Variants in PDE3B observed in about 807,000 individuals in gnomAD.
PDE3B encodes phosphodiesterase 3B.
In PDE3B, 66 loss-of-function variants were observed where a neutral mutation model predicts 116.8. The ratio of observed to expected loss-of-function variants is 0.56; its 90% CI spans 0.46 to 0.69. The LOEUF is 0.69. Among genes scored for constraint, PDE3B ranks in the 30% least tolerant of loss-of-function variants. The probability of loss-of-function intolerance (pLI) is 0.00; values close to 1 mark genes in which losing one functional copy is unlikely to be tolerated. For synonymous variants in PDE3B, 595 were observed against 533.6 expected (o/e 1.12, Z -1.59); for missense variants, 1,384 against 1,368.1 (o/e 1.01, Z -0.18).
chr11:14,826,258 A>G (rs1413656635), intron 7 of PDE3B, among the ~76,000 whole-genome samples: 1 of 147,692 alleles, frequency 6.8e-6, no homozygotes, highest in East Asian at 2.0e-4. Context: ...AAAACAAGAA[A>G]TAGCCAAAAT....
chr11:14,885,632 G>A, the PDE3B span: 5 of 821,136 alleles, frequency 6.1e-6, no homozygotes, highest in South Asian at 8.3e-5. Context: ...CAGCCTGAAA[G>A]GTCCTCAAAT....
chr11:14,671,711 C>T (rs567152728), intron 1 of PDE3B, among the ~76,000 whole-genome samples: 2 of 151,918 alleles, frequency 1.3e-5, no homozygotes, highest in Non-Finnish European at 2.9e-5. Flanking sequence ...CCCCATTTAT[C>T]CCTGGATAGA....
intron 7 of PDE3B, among the ~76,000 whole-genome samples, chr11:14,824,453 A>G (rs1796290741): frequency 6.6e-6 from 1 of 152,244 alleles, no homozygotes; most frequent in South Asian, 2.1e-4. Flanking sequence ...AACCTAACTG[A>G]TCTGATAGAG....
chr11:14,678,727 A>G (rs1297162781), intron 1 of PDE3B, among the ~76,000 whole-genome samples: 2 of 152,188 alleles, frequency 1.3e-5, no homozygotes, highest in Non-Finnish European at 1.5e-5. Context: ...TTCTATGAAC[A>G]ATGTCTTTCA....
At chr11:14,759,575 A>C (rs923609524) in intron 1 of PDE3B, among the ~76,000 whole-genome samples, 15 of 141,132 alleles carry the variant, frequency 1.1e-4, no homozygotes, top group Admixed American at 8.6e-4. Flanking sequence ...TTTGAGACAG[A>C]GTCTTGCTTT....
chr11:14,888,435 T>C, the PDE3B span, among the ~76,000 whole-genome samples: 1 of 152,244 alleles, frequency 6.6e-6, no homozygotes, highest in African/African-American at 2.4e-5. Context: ...CAAAGTGCTG[T>C]TGATGAAAAC....
chr11:14,785,219 G>A (rs1435739812), intron 2 of PDE3B, among the ~76,000 whole-genome samples: 1 of 152,118 alleles, frequency 6.6e-6, no homozygotes, highest in African/African-American at 2.4e-5. Context: ...ATTATGGGAA[G>A]CTGTGTATAG....
At chr11:14,801,386 G>A (rs1172969662) in intron 4 of PDE3B, among the ~76,000 whole-genome samples, 4 of 152,196 alleles carry the variant, frequency 2.6e-5, no homozygotes, top group Admixed American at 2.6e-4. Flanking sequence ...TAACAGTCAG[G>A]CCCCTTTGCT....
At chr11:14,832,541 G>A (rs895009801) in intron 9 of PDE3B, among the ~76,000 whole-genome samples, 181 bp from the exon 10 acceptor site, 3 of 152,120 alleles carry the variant, frequency 2.0e-5, no homozygotes, top group South Asian at 2.1e-4. Context: ...TGGCTTTAGG[G>A]TGACATCTTC....
intron 5 of PDE3B, among the ~76,000 whole-genome samples, chr11:14,809,947 G>A (rs1859071910): frequency 6.6e-6 from 1 of 151,978 alleles, no homozygotes; most frequent in Admixed American, 6.6e-5. Flanking sequence ...AGAAAATAGG[G>A]AGTACTGAGT....
chr11:14,763,812 AATT>A (rs1857422941), intron 1 of PDE3B, among the ~76,000 whole-genome samples: 1 of 152,098 alleles, frequency 6.6e-6, no homozygotes, highest in Non-Finnish European at 1.5e-5. Context: ...GTGTTATAAA[AATT>A]ATTACCATTT....
the PDE3B span, chr11:14,892,229 T>A: frequency 1.2e-6 from 2 of 1,602,102 alleles, no homozygotes; most frequent in Admixed American, 3.4e-5. Context: ...AGGTGCGAAC[T>A]CCACAGCAGC....
the PDE3B span, among the ~76,000 whole-genome samples, chr11:14,899,170 C>T: frequency 6.6e-6 from 1 of 152,184 alleles, no homozygotes; most frequent in African/African-American, 2.4e-5. Context: ...TTTTTTCGCA[C>T]TGCCAATTAC....
In PDE3B at chr11:14,817,262, A is replaced by T. The variant is rs1859362917; in HGVS notation, c.1523-921A>T. On this transcript the variant is annotated intron_variant, in intron 5 of 15. Transcript: ENST00000282096. ...GAGAACACTTGGACACAGGGTGGGG[A>T]ACATCACACACTGGGGCCTATAGTG... Among the ~76,000 whole-genome samples, 3 of 151,916 alleles carry T rather than the reference A, an allele frequency of 2.0e-5. No homozygotes were observed. In the South Asian group the frequency reaches 6.3e-4, roughly 32 times the overall value.
At chr11:14,838,582 C>A (rs1433587012) in intron 11 of PDE3B, among the ~76,000 whole-genome samples, 2 of 152,190 alleles carry the variant, frequency 1.3e-5, no homozygotes, top group East Asian at 3.9e-4. Flanking sequence ...ACTTGAGATT[C>A]TTGATTTATA....
At chr11:14,823,367 A>G (rs1859581776) in intron 7 of PDE3B, among the ~76,000 whole-genome samples, 1 of 151,480 alleles carries the variant, frequency 6.6e-6, no homozygotes, top group Admixed American at 6.6e-5. Context: ...AACAGTTTCA[A>G]ACTTTGCTGG....
rs537924637 is a variant in PDE3B at position 14,715,533 on chromosome 11, C to G, written c.979-56404C>G. On this transcript the variant is annotated intron_variant, in intron 1 of 15. Coordinates refer to ENST00000282096, the MANE Select transcript of PDE3B (RefSeq NM_000922.4). The stretch of plus-strand genomic sequence containing the variant: ...TTGTCTTTGAAGCAATTGTGAATGG[C>G]AGTTCACTCATGATTTGGCTCTCTG... Among the ~76,000 whole-genome samples the G allele has an allele frequency of 8.1e-4, 123 of 152,190 alleles. 1 individual carries two copies. The highest frequency in any genetic ancestry group is 2.1e-3 in the African/African-American group (86 of 41,528).
At chr11:14,810,461 TC>T (rs1392465960) in intron 5 of PDE3B, among the ~76,000 whole-genome samples, 2 of 151,982 alleles carry the variant, frequency 1.3e-5, no homozygotes, top group African/African-American at 4.8e-5. Flanking sequence ...AATGATGATT[TC>T]CAATTTCATC....
chr11:14,655,029 A>G (rs901899541), intron 1 of PDE3B, among the ~76,000 whole-genome samples: 1 of 152,332 alleles, frequency 6.6e-6, no homozygotes, highest in Non-Finnish European at 1.5e-5. Flanking sequence ...TCTAGATACT[A>G]CCACGAATCA....
Sources: allele counts gnomAD v4.1 joint callset (sites outside exome capture counted in the v4.1 genomes callset), GRCh38; gene constraint gnomAD v4.1.1; transcripts MANE v1.5; gene names NCBI Gene and HGNC (gene_info 2026-07-23, HGNC 2026-07-21).